Variants in CREBBP observed in about 807,000 individuals in gnomAD.
CREBBP encodes CREB binding lysine acetyltransferase, also known as CREB-binding protein.
Under a neutral mutation model 265.0 loss-of-function variants are expected in CREBBP, and 19 were observed. The ratio of observed to expected loss-of-function variants is 0.07; its 90% CI spans 0.05 to 0.11. CREBBP has a LOEUF of 0.11. Ranked by LOEUF, CREBBP falls within the 10% of genes least tolerant of loss-of-function variation. The pLI, the probability that CREBBP is intolerant of heterozygous loss-of-function variation, is 1.00. For synonymous variants in CREBBP, 1,457 were observed against 1,223.7 expected, an observed-to-expected ratio of 1.19 and a Z score of -3.98; for missense variants, 2,525 against 3,219.0, an observed-to-expected ratio of 0.78 and a Z score of 5.22.
At position 3,757,311 on chromosome 16, in the gene CREBBP, A is replaced by T. The variant is rs2151381823; in HGVS notation, c.3675T>A (p.Ala1225=). 6.2e-7 allele frequency: 1 copy of T among 1,613,572 alleles called. No individual in the cohort carries two copies. Among genetic ancestry groups the T allele is most frequent in the Non-Finnish European group, 8.5e-7 (1 of 1,179,796 alleles). ...ACCTATTCTGATAGCTGTAGTAGGC[A>T]GCATCGCGAGGAATGGTACACAGCT... ...GKQLCTIPRD[A]AYYSYQNRYH... Residue 1225 remains alanine (A), a synonymous_variant, in exon 19 of 31, where the codon GCT becomes GCA. Transcript: ENST00000262367.
intron 2 of CREBBP, among the ~76,000 whole-genome samples, chr16:3,847,108 T>C (rs1180198136): frequency 6.6e-6 from 1 of 152,152 alleles, no homozygotes; most frequent in Non-Finnish European, 1.5e-5. Flanking sequence ...TAAATTATGA[T>C]GTATCATATA....
intron 1 of CREBBP, among the ~76,000 whole-genome samples, chr16:3,867,799 T>A (rs968222262): frequency 2.7e-5 from 4 of 149,968 alleles, no homozygotes; most frequent in Non-Finnish European, 5.9e-5. Flanking sequence ...CATAGTGGCA[T>A]GCACCTGTCA....
intron 16 of CREBBP, 66 bp downstream of exon 16, chr16:3,767,654 C>A (rs1034809068): frequency 6.2e-7 from 1 of 1,601,264 alleles, no homozygotes; most frequent in Admixed American, 1.7e-5. Context: ...TTTTAATCCT[C>A]CACATGGAAT....
chr16:3,783,119 T>C (rs1436460809), intron 5 of CREBBP, among the ~76,000 whole-genome samples, 193 bp from the exon 6 acceptor site: 3 of 152,106 alleles, frequency 2.0e-5, no homozygotes, highest in East Asian at 3.8e-4. Flanking sequence ...TAGCAGTAAG[T>C]GAGGAACAAA....
At position 3,773,919 on chromosome 16, in the gene CREBBP, A is replaced by T; in HGVS notation, c.2295T>A (p.Ser765=). The T allele has an allele frequency of 6.2e-7, 1 of 1,612,228 alleles. No individual in the cohort carries two copies. Among genetic ancestry groups the T allele is most frequent in the Non-Finnish European group, 8.5e-7 (1 of 1,180,030 alleles). ...TCGGAGGCTGAGGCATTCGGGAAGG[A>T]GAAATGGCCATCTACGAGACAACAA... ...SMGSVPGMAI[S]PSRMPQPPNM... The change falls in exon 13 of 31, where the codon TCT becomes TCA. Residue 765 remains serine, a synonymous_variant. Transcript: ENST00000262367.
intron 16 of CREBBP, among the ~76,000 whole-genome samples, chr16:3,761,108 C>G (rs2052707305): frequency 6.6e-6 from 1 of 152,106 alleles, no homozygotes; most frequent in Non-Finnish European, 1.5e-5. Context: ...GCATGCACCA[C>G]CACACCCAGC....
Position 3,812,590 on chromosome 16 carries a change from G to T in CREBBP, c.799-1811C>A, listed in dbSNP as rs147987655. On this transcript the variant is annotated intron_variant, in intron 2 of 30. Coordinates refer to ENST00000262367, the MANE Select transcript of CREBBP (RefSeq NM_004380.3). Reference sequence around the variant, plus strand: ...GAACCCTCAGCTATGCTTCCGTGAGGGCCTGCAACCAACTGGAATTCCTTC... The same window carrying T: ...GAACCCTCAGCTATGCTTCCGTGAGTGCCTGCAACCAACTGGAATTCCTTC... 6.6e-5 allele frequency among the ~76,000 whole-genome samples: 10 copies of T among 151,696 alleles called. No individual in the cohort carries two copies. In the East Asian group the frequency reaches 1.7e-3, roughly 26 times the overall value.
intron 1 of CREBBP, among the ~76,000 whole-genome samples, chr16:3,869,983 AG>A (rs1373408429): frequency 1.3e-5 from 2 of 152,266 alleles, no homozygotes; most frequent in Non-Finnish European, 2.9e-5. Flanking sequence ...TTCCCACAGT[AG>A]TAGAGGAACA....
At chr16:3,751,853 C>A (rs370778624) in intron 19 of CREBBP, 47 bp from the exon 20 acceptor site, 1 of 1,583,768 alleles carries the variant, frequency 6.3e-7, no homozygotes. Flanking sequence ...CATCATAACA[C>A]ACAGCCACCC....
intron 1 of CREBBP, among the ~76,000 whole-genome samples, chr16:3,878,505 T>C (rs1271445743): frequency 6.6e-6 from 1 of 152,246 alleles, no homozygotes; most frequent in Non-Finnish European, 1.5e-5. Context: ...TACATTAATA[T>C]TAAACGTCGC....
intron 3 of CREBBP, among the ~76,000 whole-genome samples, chr16:3,796,489 C>T (rs927695916): frequency 1.3e-5 from 2 of 151,524 alleles, no homozygotes; most frequent in South Asian, 4.2e-4. Flanking sequence ...TGGGTTCAAG[C>T]GATTCTCCTG....
chr16:3,729,033 G>T lies in CREBBP; in HGVS notation c.6014C>A (p.Pro2005His). 1 of 1,589,854 alleles carries T rather than the reference G, an allele frequency of 6.3e-7. No individual in the cohort carries two copies. Among genetic ancestry groups the T allele is most frequent in the East Asian group, 2.3e-5 (1 of 44,050 alleles). Residue 2005 changes from proline (P) to histidine (H), a missense_variant, in exon 31 of 31, where the codon CCC becomes CAC. Pro to His is a moderately conservative substitution (Grantham distance 77). Around this residue, in one of 19 missense-constraint regions of CREBBP, gnomAD observed 275 missense variants for 276.5 expected, o/e 0.99. Transcript: ENST00000262367. ...CATGACGGGCCCGCTCACCTGGTTGGGTCGGGGCACATTCAGGCTCACGGG... is the reference window on the plus strand; with the variant it reads ...CATGACGGGCCCGCTCACCTGGTTGTGTCGGGGCACATTCAGGCTCACGGG... The part of the protein sequence containing the change: ...MAPVSLNVPR[P>H]NQVSGPVMPS...
Position 3,736,460 on chromosome 16 carries a change from G to C in CREBBP, c.4560+190C>G, listed in dbSNP as rs1375558652. 8.0e-6 allele frequency: 7 copies of C among 878,264 alleles called. No homozygotes were observed. The East Asian group carries it at 1.3e-4, about 16-fold the overall frequency. 54.4% of individuals were successfully genotyped at this position (878,264 alleles called of 1,614,324 possible). On this transcript the variant is annotated intron_variant, in intron 27 of 30. Transcript: ENST00000262367. ...AACAGCTCCAACTGTGCTGCTCTCA[G>C]ACGGCCAGGGGAAAGCCTCAATCAG...
At chr16:3,747,893 T>A (rs991834194) in intron 21 of CREBBP, among the ~76,000 whole-genome samples, 2 of 151,860 alleles carry the variant, frequency 1.3e-5, no homozygotes, top group Admixed American at 6.6e-5. Flanking sequence ...ATCGAGACCA[T>A]CCTGGCTAAC....
At chr16:3,747,690 C>T (rs987993798) in intron 21 of CREBBP, among the ~76,000 whole-genome samples, 11 of 152,124 alleles carry the variant, frequency 7.2e-5, no homozygotes, top group African/African-American at 4.8e-5. Flanking sequence ...TGGCCGGGCA[C>T]GGTGGCTCAC....
At chr16:3,820,251 C>T (rs1195401260) in intron 2 of CREBBP, among the ~76,000 whole-genome samples, 2 of 152,222 alleles carry the variant, frequency 1.3e-5, no homozygotes, top group Non-Finnish European at 2.9e-5. Flanking sequence ...TGACTGCATT[C>T]AGTTGTCTGC....
chr16:3,751,958 A>T, intron 19 of CREBBP, 152 bp from the exon 20 acceptor site: 1 of 728,402 alleles, frequency 1.4e-6, no homozygotes, highest in South Asian at 1.5e-5. Flanking sequence ...CAATGAAAGG[A>T]ACAGGGGGCA....
At chr16:3,760,437 C>G (rs1271899708) in intron 16 of CREBBP, among the ~76,000 whole-genome samples, 2 of 110,574 alleles carry the variant, frequency 1.8e-5, no homozygotes, top group African/African-American at 6.9e-5. Context: ...GAGTCTTGCT[C>G]TGTCACCCAG....
At chr16:3,821,608 A>G (rs1460095730) in intron 2 of CREBBP, among the ~76,000 whole-genome samples, 1 of 152,190 alleles carries the variant, frequency 6.6e-6, no homozygotes, top group Non-Finnish European at 1.5e-5. Flanking sequence ...TTTAGGTAGA[A>G]GAGTAGACTC....
Sources: allele counts gnomAD v4.1 joint callset (sites outside exome capture counted in the v4.1 genomes callset), GRCh38; gene constraint gnomAD v4.1.1; regional missense constraint gnomAD v4.1.1; transcripts MANE v1.5; gene names NCBI Gene and HGNC (gene_info 2026-07-23, HGNC 2026-07-21).